The following CUX1 variants were observed in gnomAD, a reference collection of about 807,000 sequenced individuals.
The protein encoded by CUX1 is protein CASP.
In CUX1, 31 loss-of-function variants were observed where a neutral mutation model predicts 158.8. The observed-to-expected ratio is 0.20, with a 90% confidence interval of 0.15 to 0.26. CUX1 has a LOEUF of 0.26. Ranked by LOEUF, CUX1 falls within the 10% of genes least tolerant of loss-of-function variation. The pLI is 1.00. For missense variants in CUX1, 1,589 were observed against 2,014.6 expected (o/e 0.79, Z 4.04); for synonymous variants, 879 against 862.1 (o/e 1.02, Z -0.34).
chr7:102,009,911 G>T (rs929871349), intron 2 of CUX1, among the ~76,000 whole-genome samples: 1 of 152,198 alleles, frequency 6.6e-6, no homozygotes, highest in Non-Finnish European at 1.5e-5. Flanking sequence ...CGTGACTGGC[G>T]TGCCTCACTT....
intron 14 of CUX1, chr7:102,273,319 G>T (rs782480589): frequency 3.8e-6 from 6 of 1,597,208 alleles, no homozygotes; most frequent in East Asian, 4.5e-5. Context: ...GGGCACCAAG[G>T]GTCCCACCAG....
At chr7:102,015,134 T>C (rs1215005094) in intron 2 of CUX1, among the ~76,000 whole-genome samples, 1 of 152,180 alleles carries the variant, frequency 6.6e-6, no homozygotes, top group Non-Finnish European at 1.5e-5. Context: ...TTAGGTAAAC[T>C]AGTTGCACAC....
Position 102,255,401 on chromosome 7 carries a change from C to CAA in CUX1, c.*6368_*6369dup. On this transcript the variant is annotated 3_prime_UTR_variant, in exon 24 of 24. Coordinates refer to ENST00000292535, the MANE Select transcript of CUX1 (RefSeq NM_181552.4). Reference sequence around the variant, plus strand: ...GAAAAATCCCAAAAAAAAAAAAAGACAAAAAAAAAAGGCTGGCGAGAGAAA... The same window carrying CAA: ...GAAAAATCCCAAAAAAAAAAAAAGACAAAAAAAAAAAAGGCTGGCGAGAGAAA... The CAA allele has an allele frequency of 1.3e-5, 12 of 903,072 alleles. No individual in the cohort carries two copies. The highest frequency in any genetic ancestry group is 1.2e-5 in the Non-Finnish European group (9 of 768,246). The allele number at this position is 903,072 out of a possible 1,614,324, so 55.9% of individuals were successfully genotyped here.
intron 15 of CUX1, 86 bp from the exon 16 acceptor site, chr7:102,198,716 G>T: frequency 8.3e-7 from 1 of 1,200,980 alleles, no homozygotes. Context: ...GTGACAGGCG[G>T]CTCAGATTTC....
chr7:101,821,539 C>T (rs371726254), intron 1 of CUX1, among the ~76,000 whole-genome samples: 15 of 150,918 alleles, frequency 9.9e-5, no homozygotes, highest in South Asian at 4.2e-4. Flanking sequence ...GGGGTTTCAC[C>T]GTGTTAGCCC....
chr7:101,848,526 A>C (rs1338042981), intron 1 of CUX1, among the ~76,000 whole-genome samples: 1 of 151,962 alleles, frequency 6.6e-6, no homozygotes, highest in Admixed American at 6.6e-5. Flanking sequence ...CTTGATTCTT[A>C]ATGTTGAGGG....
At chr7:102,208,374 G>C (rs1163087375) in intron 20 of CUX1, among the ~76,000 whole-genome samples, 1 of 152,156 alleles carries the variant, frequency 6.6e-6, no homozygotes, top group African/African-American at 2.4e-5. Flanking sequence ...CTCCCAAGTA[G>C]CTGAAACTAC....
chr7:102,250,715 C>CT lies in CUX1; in HGVS notation c.*1674dup. On this transcript the variant is annotated 3_prime_UTR_variant, in exon 24 of 24. Coordinates refer to ENST00000292535, the MANE Select transcript of CUX1 (RefSeq NM_181552.4). The stretch of plus-strand genomic sequence containing the variant: ...GGCAGTCTAAGTACAAACTGAAAGT[C>CT]TAACTTGTCTCTGATTCCTCCCTTG... 2 of 985,416 alleles carry CT rather than the reference C, an allele frequency of 2.0e-6. No individual in the cohort carries two copies. Among genetic ancestry groups the CT allele is most frequent in the Non-Finnish European group, 2.4e-6 (2 of 829,934 alleles). The allele number at this position is 985,416 out of a possible 1,614,324, so 61.0% of individuals were successfully genotyped here. A position where few individuals can be genotyped will look rare whatever the true frequency, so the allele number is the denominator to read the frequency against.
chr7:102,158,849 A>G (rs1790085399), intron 9 of CUX1, among the ~76,000 whole-genome samples: 1 of 152,236 alleles, frequency 6.6e-6, no homozygotes, highest in Non-Finnish European at 1.5e-5. Flanking sequence ...CCCATGGTGA[A>G]CATCCCCTCC....
At chr7:102,122,911 C>G (rs1402654431) in intron 8 of CUX1, among the ~76,000 whole-genome samples, 4 of 152,082 alleles carry the variant, frequency 2.6e-5, no homozygotes, top group African/African-American at 9.7e-5. Context: ...GGCTCACACA[C>G]TCTGTACTCA....
At chr7:101,996,586 T>C (rs1012397486) in intron 2 of CUX1, among the ~76,000 whole-genome samples, 1 of 151,822 alleles carries the variant, frequency 6.6e-6, no homozygotes, top group Non-Finnish European at 1.5e-5. Flanking sequence ...ATTCATGATC[T>C]AAAATGCAAA....
At chr7:102,066,306 A>G (rs1040770079) in intron 3 of CUX1, among the ~76,000 whole-genome samples, 1 of 151,784 alleles carries the variant, frequency 6.6e-6, no homozygotes. Context: ...ATTGGATCCA[A>G]CTGGACGAGG....
In CUX1 at chr7:102,081,493, A is replaced by G. The variant is rs1334140332; in HGVS notation, c.268+11076A>G. Among the ~76,000 whole-genome samples, 2 of 146,608 alleles carry G rather than the reference A, an allele frequency of 1.4e-5. 1 individual carries two copies. The highest frequency in any genetic ancestry group is 1.4e-4 in the Admixed American group (2 of 14,472). ...GTGTTTGGCAGTTCCACCTTCGCTC[A>G]TCTCTCTCCTGCCACTTTGTGAAGA... On this transcript the variant is annotated intron_variant, in intron 4 of 23. Coordinates refer to ENST00000292535, the MANE Select transcript of CUX1 (RefSeq NM_181552.4).
At chr7:102,080,703 C>A (rs1827286148) in intron 4 of CUX1, among the ~76,000 whole-genome samples, 1 of 152,202 alleles carries the variant, frequency 6.6e-6, no homozygotes, top group Non-Finnish European at 1.5e-5. Flanking sequence ...CCAAAAGCCG[C>A]CTGCAGGCCT....
chr7:102,275,605 G>T (rs1791547757), intron 17 of CUX1, among the ~76,000 whole-genome samples: 1 of 152,166 alleles, frequency 6.6e-6, no homozygotes, highest in African/African-American at 2.4e-5. Flanking sequence ...GATCATTCCA[G>T]GTGAAACAAG....
At chr7:102,181,699 T>C (rs1370228237) in intron 11 of CUX1, among the ~76,000 whole-genome samples, 1 of 152,214 alleles carries the variant, frequency 6.6e-6, no homozygotes, top group Non-Finnish European at 1.5e-5. Context: ...AGACTTCTGA[T>C]TTTAATTATC....
rs146142531 is a variant in CUX1 at position 102,267,465 on chromosome 7, G to A, written c.1256-5901G>A. On this transcript the variant is annotated intron_variant, in intron 14 of 22. Transcript: ENST00000292538. The stretch of plus-strand genomic sequence containing the variant: ...AGGAGAATCACTTGAACCTGGGAGA[G>A]AGAGGTTGCAGAGAGCCGAGATCAT... Among the ~76,000 whole-genome samples the A allele has an allele frequency of 6.0e-3, 911 of 152,154 alleles. 12 individuals are homozygous for A. The highest frequency in any genetic ancestry group is 0.021 in the African/African-American group (870 of 41,502).
intron 4 of CUX1, among the ~76,000 whole-genome samples, chr7:102,085,074 A>G (rs1348664937): frequency 1.3e-5 from 2 of 152,018 alleles, no homozygotes; most frequent in Non-Finnish European, 2.9e-5. Flanking sequence ...TTTTTGTCAT[A>G]AATGGTATTG....
intron 14 of CUX1, chr7:102,273,244 G>C: frequency 7.5e-7 from 1 of 1,340,050 alleles, no homozygotes; most frequent in Non-Finnish European, 1.0e-6. Flanking sequence ...GGAATAGCCA[G>C]CACTCTCACA....
Sources: gnomAD v4.1 joint callset for allele counts (sites outside exome capture counted in the v4.1 genomes callset) on GRCh38, gnomAD v4.1.1 for gene constraint, MANE v1.5 for transcripts, NCBI Gene and HGNC (gene_info 2026-07-23, HGNC 2026-07-21) for gene names.